TIAM2: variants seen among roughly 807,000 people sequenced by gnomAD.
TIAM2 encodes TIAM Rac1 associated GEF 2, also known as rho guanine nucleotide exchange factor TIAM2.
TIAM2 carries 80 observed loss-of-function variants against 152.9 expected under a neutral mutation model. The ratio of observed to expected loss-of-function variants is 0.52; its 90% CI spans 0.44 to 0.63. The LOEUF is 0.63. Among genes scored for constraint, TIAM2 ranks in the 30% least tolerant of loss-of-function variants. The pLI, the probability that TIAM2 is intolerant of heterozygous loss-of-function variation, is 0.00. For synonymous variants in TIAM2, 804 were observed against 838.0 expected (o/e 0.96, Z 0.70); for missense variants, 1,965 against 2,120.1 (o/e 0.93, Z 1.44).
intron 14 of TIAM2, among the ~76,000 whole-genome samples, chr6:155,184,267 G>T (rs947250385): frequency 3.3e-5 from 5 of 152,198 alleles, no homozygotes; most frequent in Non-Finnish European, 4.4e-5. Flanking sequence ...GGGATTACAG[G>T]CATGAGCCAC....
Position 155,256,909 on chromosome 6 carries a change from TTC to T in TIAM2, c.4896_4897del (p.Phe1632LeufsTer4). ...GEQPKLVRGH[F>X]CPIKRKANST... is the part of the protein sequence containing the mutation. ...GCAGCCCAAACTGGTCCGGGGGCAC[TTC>T]TGCCCCATTAAACGAAAAGCCAACA... On this transcript the variant is annotated frameshift_variant, in exon 27 of 27. Transcript: ENST00000682666. LOFTEE classifies it high-confidence loss of function. 6.2e-7 allele frequency: 1 copy of T among 1,614,228 alleles called. No homozygotes were observed. Among genetic ancestry groups the T allele is most frequent in the South Asian group, 1.1e-5 (1 of 91,090 alleles).
At chr6:155,079,438 G>C (rs73002974) in intron 1 of TIAM2, among the ~76,000 whole-genome samples, 1 of 152,276 alleles carries the variant, frequency 6.6e-6, no homozygotes, top group Non-Finnish European at 1.5e-5. Flanking sequence ...TTTGGCTCTA[G>C]GTCCTTTGAT....
At chr6:155,142,821 T>C (rs1260527668) in intron 5 of TIAM2, among the ~76,000 whole-genome samples, 2 of 152,198 alleles carry the variant, frequency 1.3e-5, no homozygotes, top group Non-Finnish European at 2.9e-5. Context: ...TAAAGTACCA[T>C]GGAGGGAGAA....
In TIAM2 at chr6:155,245,679, G is replaced by A. The variant is rs767761401; in HGVS notation, c.3600G>A (p.Leu1200=). 1.2e-6 allele frequency: 2 copies of A among 1,613,040 alleles called. No homozygotes were observed. Among genetic ancestry groups the A allele is most frequent in the African/African-American group, 2.7e-5 (2 of 74,606 alleles). ...TTTATTACGCGGACCACTTTAAACT[G>A]TACAGTGGATTCTGTGCTAACCATA... ...SFLYYADHFK[L]YSGFCANHIK... is the part of the protein sequence containing the mutation. Residue 1200 remains leucine, a synonymous_variant, in exon 19 of 27, where the codon CTG becomes CTA. Transcript: ENST00000682666.
At chr6:155,079,160 CA>C in intron 1 of TIAM2, among the ~76,000 whole-genome samples, 1 of 152,180 alleles carries the variant, frequency 6.6e-6, no homozygotes, top group Admixed American at 6.5e-5. Context: ...CTCCTGGGTT[CA>C]AGCGATTCTC....
At chr6:155,079,292 C>T (rs1206063887) in intron 1 of TIAM2, among the ~76,000 whole-genome samples, 1 of 152,178 alleles carries the variant, frequency 6.6e-6, no homozygotes, top group Non-Finnish European at 1.5e-5. Context: ...AAACTCCTGA[C>T]CTCAGGTAAT....
At chr6:155,101,288 C>A (rs545763083) in intron 2 of TIAM2, among the ~76,000 whole-genome samples, 3 of 152,204 alleles carry the variant, frequency 2.0e-5, no homozygotes, top group African/African-American at 7.2e-5. Context: ...TTTTTGCTAC[C>A]GCATTTCTCA....
chr6:155,226,061 A>G (rs1462452032), intron 15 of TIAM2, among the ~76,000 whole-genome samples: 1 of 152,214 alleles, frequency 6.6e-6, no homozygotes, highest in Non-Finnish European at 1.5e-5. Context: ...CCAGATTCCA[A>G]GCATTGTTTT....
intron 1 of TIAM2, among the ~76,000 whole-genome samples, chr6:155,025,839 CA>C (rs1776590840): frequency 9.5e-6 from 1 of 105,116 alleles, no homozygotes; most frequent in African/African-American, 3.5e-5. Flanking sequence ...CACACACACA[CA>C]CACACACACA....
intron 1 of TIAM2, among the ~76,000 whole-genome samples, chr6:155,056,717 A>T (rs1777460493): frequency 6.6e-6 from 1 of 152,136 alleles, no homozygotes; most frequent in Non-Finnish European, 1.5e-5. Context: ...ATCCATATCC[A>T]GCTTCCCCTA....
At chr6:155,042,745 T>C (rs1777077410) in intron 1 of TIAM2, among the ~76,000 whole-genome samples, 1 of 152,096 alleles carries the variant, frequency 6.6e-6, no homozygotes, top group African/African-American at 2.4e-5. Context: ...ATATATGCAT[T>C]ACCTCAAATA....
At position 155,130,190 on chromosome 6, in the gene TIAM2, A is replaced by G. The variant is rs371172330; in HGVS notation, c.967A>G (p.Met323Val). The G allele has an allele frequency of 3.1e-6, 5 of 1,614,016 alleles. No individual in the cohort carries two copies. Among genetic ancestry groups the G allele is most frequent in the Non-Finnish European group, 4.2e-6 (5 of 1,180,024 alleles). Residue 323 changes from methionine (M) to valine (V), a missense_variant, in exon 4 of 27, where the codon ATG (methionine) becomes GTG (valine). Met to Val is a conservative substitution (Grantham distance 21). Coordinates refer to ENST00000682666, the MANE Select transcript of TIAM2 (RefSeq NM_012454.4). The part of the protein sequence containing the change: ...PSGIRLSDEY[M>V]GTHASLSNRV... ...AGGTATCCGCCTTTCTGATGAATACATGGGCACGCATGCCAGCCTGAGCAA... is the reference window on the plus strand; with the variant it reads ...AGGTATCCGCCTTTCTGATGAATACGTGGGCACGCATGCCAGCCTGAGCAA...
intron 1 of TIAM2, among the ~76,000 whole-genome samples, chr6:155,087,920 T>C (rs1475061233): frequency 6.6e-6 from 1 of 152,020 alleles, no homozygotes; most frequent in Non-Finnish European, 1.5e-5. Context: ...CAAATCACAC[T>C]ACCTCTTTGA....
intron 1 of TIAM2, among the ~76,000 whole-genome samples, chr6:155,032,310 G>A (rs1470632983): frequency 6.6e-6 from 1 of 152,196 alleles, no homozygotes; most frequent in East Asian, 1.9e-4. Context: ...CACTCACAGT[G>A]TGGTTCATGG....
intron 2 of TIAM2, among the ~76,000 whole-genome samples, chr6:155,103,326 G>T (rs1353215675): frequency 3.3e-5 from 5 of 152,158 alleles, no homozygotes; most frequent in Non-Finnish European, 1.5e-5. Context: ...GGAAATATCT[G>T]AGGAATGTTG....
At chr6:155,143,151 G>A (rs1046077169) in intron 5 of TIAM2, among the ~76,000 whole-genome samples, 2 of 152,144 alleles carry the variant, frequency 1.3e-5, no homozygotes, top group Non-Finnish European at 2.9e-5. Context: ...ATTGTTATTC[G>A]TATGCTGGAG....
intron 7 of TIAM2, among the ~76,000 whole-genome samples, chr6:155,160,988 A>C (rs1035667630): frequency 3.9e-5 from 6 of 152,210 alleles, no homozygotes. Flanking sequence ...CTTGATTTTT[A>C]TAAGGTCTCC....
intron 1 of TIAM2, among the ~76,000 whole-genome samples, chr6:155,020,823 C>G (rs1188076537): frequency 6.6e-6 from 1 of 152,156 alleles, no homozygotes; most frequent in Non-Finnish European, 1.5e-5. Flanking sequence ...GCCCTCACCA[C>G]TATCCATCTC....
At chr6:155,198,897 G>C (rs1408676468) in intron 14 of TIAM2, among the ~76,000 whole-genome samples, 1 of 152,040 alleles carries the variant, frequency 6.6e-6, no homozygotes, top group Non-Finnish European at 1.5e-5. Context: ...TGGTGGTGGA[G>C]AACCACATGC....
Sources: allele counts gnomAD v4.1 joint callset (sites outside exome capture counted in the v4.1 genomes callset), GRCh38; gene constraint gnomAD v4.1.1; transcripts MANE v1.5; gene names NCBI Gene and HGNC (gene_info 2026-07-23, HGNC 2026-07-21).